CDH13: variants seen among roughly 807,000 people sequenced by gnomAD.
CDH13 encodes the protein cadherin-13.
In CDH13, 24 loss-of-function variants were observed where a neutral mutation model predicts 63.8. That is an observed-to-expected ratio of 0.38 (90% CI 0.27 to 0.53). The LOEUF is 0.53. Among genes scored for constraint, CDH13 ranks in the 20% least tolerant of loss-of-function variants. The pLI, the probability that CDH13 is intolerant of heterozygous loss-of-function variation, is 0.85. For missense variants in CDH13, 1,049 were observed against 903.1 expected (o/e 1.16, Z -2.07); for synonymous variants, 503 against 355.3 (o/e 1.42, Z -4.67).
chr16:83,271,504 AAAAAAC>A (rs1400666534), intron 5 of CDH13, among the ~76,000 whole-genome samples: 91 of 143,300 alleles, frequency 6.4e-4, no homozygotes, highest in African/African-American at 2.2e-3. Context: ...TTTATTTAAA[AAAAAAC>A]AAAACAAAAC....
At chr16:83,725,006 A>C (rs754125964) in intron 10 of CDH13, among the ~76,000 whole-genome samples, 20 of 152,226 alleles carry the variant, frequency 1.3e-4, no homozygotes, top group Non-Finnish European at 2.9e-4. Flanking sequence ...TCACCACGAC[A>C]CATATGGCCT....
chr16:82,649,074 A>C (rs1032132158), intron 1 of CDH13, among the ~76,000 whole-genome samples: 2 of 129,380 alleles, frequency 1.5e-5, no homozygotes, highest in African/African-American at 6.7e-5. Context: ...AATGGAACTA[A>C]TATAAATATA....
chr16:82,921,418 A>C (rs772844405), intron 2 of CDH13, among the ~76,000 whole-genome samples: 1 of 152,130 alleles, frequency 6.6e-6, no homozygotes, highest in African/African-American at 2.4e-5. Context: ...TGCCTTCTCT[A>C]TCTCTCATAG....
At chr16:83,049,986 A>C (rs567913928) in intron 3 of CDH13, among the ~76,000 whole-genome samples, 1 of 152,228 alleles carries the variant, frequency 6.6e-6, no homozygotes. Context: ...ATTGTTAGTA[A>C]TAATAATGCT....
At chr16:83,422,237 G>A (rs187894889) in intron 6 of CDH13, among the ~76,000 whole-genome samples, 47 of 152,190 alleles carry the variant, frequency 3.1e-4, no homozygotes, top group Non-Finnish European at 4.1e-4. Flanking sequence ...AAAATAATTC[G>A]TTTTGAAGAT....
rs575771041 is a variant in CDH13 at position 83,091,376 on chromosome 16, T to C, written c.367-34009T>C. Among the ~76,000 whole-genome samples, 3 of 152,360 alleles carry C rather than the reference T, an allele frequency of 2.0e-5. No homozygotes were observed. In the East Asian group the frequency reaches 5.8e-4, roughly 29 times the overall value. ...TAGGAGGCATATTTTTCCCATTCAA[T>C]GTAGTTTGAGAAGCCCAATGACCAA... is the stretch of plus-strand genomic sequence containing the variant. On this transcript the variant is annotated intron_variant, in intron 3 of 13. Transcript: ENST00000567109.
At chr16:83,749,763 G>T (rs113931344) in intron 11 of CDH13, among the ~76,000 whole-genome samples, 2 of 152,286 alleles carry the variant, frequency 1.3e-5, no homozygotes, top group African/African-American at 4.8e-5. Context: ...GGTTAGTCAA[G>T]TACACAGAAG....
intron 1 of CDH13, among the ~76,000 whole-genome samples, chr16:82,726,645 T>C (rs1267070513): frequency 6.6e-6 from 1 of 152,216 alleles, no homozygotes; most frequent in African/African-American, 2.4e-5. Context: ...AAGTAGTCAG[T>C]GCCTCAGTCT....
intron 8 of CDH13, among the ~76,000 whole-genome samples, chr16:83,644,250 A>G (rs1191798869): frequency 6.6e-6 from 1 of 152,188 alleles, no homozygotes; most frequent in Non-Finnish European, 1.5e-5. Context: ...CCATGGTCCA[A>G]TATAACGGAT....
intron 3 of CDH13, among the ~76,000 whole-genome samples, chr16:83,122,938 A>G (rs908230531): frequency 2.6e-5 from 4 of 151,690 alleles, no homozygotes; most frequent in African/African-American, 9.7e-5. Flanking sequence ...CCACCCTCCC[A>G]CTTTCCGAAG....
chr16:83,117,979 A>G (rs913974987), intron 3 of CDH13, among the ~76,000 whole-genome samples: 1 of 152,342 alleles, frequency 6.6e-6, no homozygotes, highest in East Asian at 1.9e-4. Context: ...GCTTAGCTGC[A>G]TGAAACCGGA....
chr16:83,243,145 G>T (rs1020579826), intron 5 of CDH13, among the ~76,000 whole-genome samples: 1 of 152,144 alleles, frequency 6.6e-6, no homozygotes, highest in African/African-American at 2.4e-5. Flanking sequence ...CCAAAGAGTG[G>T]CCTCGTACCA....
At chr16:83,711,312 C>A (rs1182986542) in intron 10 of CDH13, among the ~76,000 whole-genome samples, 1 of 152,050 alleles carries the variant, frequency 6.6e-6, no homozygotes, top group Non-Finnish European at 1.5e-5. Flanking sequence ...CAAACAATAG[C>A]GGGAAACAAA....
intron 1 of CDH13, among the ~76,000 whole-genome samples, chr16:82,840,684 C>CAAAAAAAAAA (rs753429857): frequency 1.2e-5 from 1 of 86,750 alleles, no homozygotes; most frequent in African/African-American, 4.6e-5. Context: ...GAATCCATCT[C>CAAAAAAAAAA]AAAAAAAAAA....
chr16:82,826,452 T>C (rs1320493852), intron 1 of CDH13: 1 of 152,226 alleles, frequency 6.6e-6, no homozygotes, highest in Non-Finnish European at 1.5e-5. Flanking sequence ...ATTGATGTAA[T>C]TGAAACATGT....
chr16:83,553,499 A>G (rs2075547209), intron 7 of CDH13, among the ~76,000 whole-genome samples: 1 of 152,196 alleles, frequency 6.6e-6, no homozygotes, highest in Admixed American at 6.5e-5. Flanking sequence ...CTTCCATGTA[A>G]CTTTCATGAG....
intron 10 of CDH13, among the ~76,000 whole-genome samples, chr16:83,699,717 A>C (rs895161726): frequency 2.0e-5 from 3 of 152,182 alleles, no homozygotes; most frequent in African/African-American, 7.2e-5. Flanking sequence ...GAGGATGTTT[A>C]GAGGCATGGA....
chr16:83,330,499 G>T (rs943152545), intron 5 of CDH13, among the ~76,000 whole-genome samples: 1 of 152,240 alleles, frequency 6.6e-6, no homozygotes, highest in Non-Finnish European at 1.5e-5. Context: ...TTCCGAAGGA[G>T]AAAGTGGAAC....
chr16:82,859,735 G>GAAAAAAAAAA (rs75873496), intron 2 of CDH13: 1 of 123,832 alleles, frequency 8.1e-6, no homozygotes, highest in African/African-American at 2.9e-5. Context: ...GGAAAGACAA[G>GAAAAAAAAAA]AAAAAAAAAA....
Sources: gnomAD v4.1 joint callset for allele counts (sites outside exome capture counted in the v4.1 genomes callset) on GRCh38, gnomAD v4.1.1 for gene constraint, MANE v1.5 for transcripts, NCBI Gene and HGNC (gene_info 2026-07-23, HGNC 2026-07-21) for gene names.